POLR3G: variants seen among roughly 807,000 people sequenced by gnomAD.
POLR3G encodes DNA-directed RNA polymerase III subunit RPC7.
POLR3G carries 28 observed loss-of-function variants against 30.1 expected under a neutral mutation model. The ratio of observed to expected loss-of-function variants is 0.93; its 90% CI spans 0.69 to 1.27. The LOEUF is 1.27. POLR3G is among the 50% of genes most tolerant of loss of function. POLR3G has a pLI of 0.00. For missense variants in POLR3G, 254 were observed against 264.6 expected (o/e 0.96, Z 0.28); for synonymous variants, 79 against 82.5 (o/e 0.96, Z 0.23).
chr5:90,475,991 G>T (rs559595051), intron 1 of POLR3G, among the ~76,000 whole-genome samples: 23 of 152,266 alleles, frequency 1.5e-4, no homozygotes, highest in African/African-American at 5.5e-4. Flanking sequence ...GATTACAGGC[G>T]TGAGCCACTA....
intron 1 of POLR3G, among the ~76,000 whole-genome samples, chr5:90,479,713 G>A (rs890067048): frequency 6.6e-6 from 1 of 152,082 alleles, no homozygotes; most frequent in Non-Finnish European, 1.5e-5. Context: ...TTGGTGAAAA[G>A]GGATGTAGCA....
intron 4 of POLR3G, among the ~76,000 whole-genome samples, chr5:90,496,011 G>A (rs189509584): frequency 0.014 from 2,095 of 151,506 alleles, 21 homozygotes; most frequent in Admixed American, 0.02. Context: ...TTGCTCTGTC[G>A]CCCAGGCTGG....
At chr5:90,506,748 T>C in intron 7 of POLR3G, 74 bp downstream of exon 7, 3 of 1,425,390 alleles carry the variant, frequency 2.1e-6, no homozygotes, top group Non-Finnish European at 2.8e-6. Flanking sequence ...AGAGTATGTA[T>C]TGAAATCAAT....
At chr5:90,486,636 C>G (rs1393946573) in intron 2 of POLR3G, among the ~76,000 whole-genome samples, 1 of 152,150 alleles carries the variant, frequency 6.6e-6, no homozygotes, top group African/African-American at 2.4e-5. Context: ...CTGATTTTAT[C>G]CCAATCTCTA....
chr5:90,488,201 T>G (rs1751546201), intron 3 of POLR3G, 72 bp downstream of exon 3: 23 of 1,223,764 alleles, frequency 1.9e-5, no homozygotes, highest in Non-Finnish European at 2.4e-5. Context: ...ACAAGATATA[T>G]AATCATTTAA....
upstream of POLR3G, chr5:90,474,173 C>A: frequency 6.2e-7 from 1 of 1,604,302 alleles, no homozygotes; most frequent in South Asian, 1.1e-5. Flanking sequence ...TCACCACGTC[C>A]TGCTCGGAGC....
chr5:90,479,259 G>C (rs545340254), intron 1 of POLR3G, among the ~76,000 whole-genome samples: 16 of 152,186 alleles, frequency 1.1e-4, no homozygotes, highest in Non-Finnish European at 1.6e-4. Context: ...ATCACCTAAG[G>C]TCAGAAGTTC....
intron 1 of POLR3G, among the ~76,000 whole-genome samples, chr5:90,478,180 T>C (rs1750933414): frequency 6.7e-6 from 1 of 148,474 alleles, no homozygotes; most frequent in Admixed American, 6.7e-5. Context: ...GACGTTGTTT[T>C]GGTAGTTGAT....
At chr5:90,486,998 T>G (rs1401880826) in intron 2 of POLR3G, among the ~76,000 whole-genome samples, 1 of 152,196 alleles carries the variant, frequency 6.6e-6, no homozygotes, top group African/African-American at 2.4e-5. Context: ...ATGTCTTTAC[T>G]AGGTACCCTG....
rs1189554544 is a variant in POLR3G at position 90,514,317 on chromosome 5, T to C, written c.*2178T>C. The stretch of plus-strand genomic sequence containing the variant: ...GTATTTGTTGAAGTGTCTTTAAAAT[T>C]GCTATCATGAGCAAAACTGGTTGCT... On this transcript the variant is annotated 3_prime_UTR_variant, in exon 8 of 8. Coordinates refer to ENST00000651687, the MANE Select transcript of POLR3G (RefSeq NM_006467.3). The C allele has an allele frequency of 6.6e-6, 1 of 152,224 alleles. No homozygotes were observed. Among genetic ancestry groups the C allele is most frequent in the African/African-American group, 2.4e-5 (1 of 41,450 alleles). 9.4% of individuals were successfully genotyped at this position (152,224 alleles called of 1,614,324 possible).
At chr5:90,506,441 T>C in intron 6 of POLR3G, 87 bp from the exon 7 acceptor site, 1 of 1,477,238 alleles carries the variant, frequency 6.8e-7, no homozygotes, top group Admixed American at 2.2e-5. Context: ...TAGAATAAGG[T>C]GATAGATAAC....
upstream of POLR3G, chr5:90,474,443 C>A: frequency 1.4e-6 from 1 of 701,910 alleles, no homozygotes; most frequent in Non-Finnish European, 2.4e-6. Context: ...ATGCGGGGGT[C>A]GGAATAGGAG....
Position 90,478,569 on chromosome 5 carries a change from C to CTTTTTTTTTT in POLR3G, c.-44+3557_-44+3566dup, listed in dbSNP as rs773881344. 3.4e-4 allele frequency among the ~76,000 whole-genome samples: 27 copies of CTTTTTTTTTT among 79,328 alleles called. 6 individuals carry two copies. Among genetic ancestry groups the CTTTTTTTTTT allele is most frequent in the Admixed American group, 7.0e-4 (4 of 5,686 alleles). 52.0% of individuals were successfully genotyped at this position (79,328 alleles called of 152,430 possible). On this transcript the variant is annotated intron_variant, in intron 1 of 7. Coordinates refer to ENST00000651687, the MANE Select transcript of POLR3G (RefSeq NM_006467.3). ...AATGGGAGGTTTAATCTGCGTGGTT[C>CTTTTTTTTTT]TTTTTTTTTTTTTTTTTGAGAGGGA... is the stretch of plus-strand genomic sequence containing the variant.
chr5:90,483,596 G>A (rs1284324432), intron 1 of POLR3G, among the ~76,000 whole-genome samples: 2 of 152,040 alleles, frequency 1.3e-5, no homozygotes, highest in African/African-American at 4.8e-5. Context: ...CTTGAGGTCA[G>A]GAGTTTGAGA....
intron 1 of POLR3G, among the ~76,000 whole-genome samples, chr5:90,477,629 A>G (rs1272211360): frequency 6.6e-6 from 1 of 152,188 alleles, no homozygotes; most frequent in East Asian, 1.9e-4. Flanking sequence ...CTTGACTTTC[A>G]CTGCCTCCTC....
intron 5 of POLR3G, among the ~76,000 whole-genome samples, chr5:90,498,220 T>G (rs1465196958): frequency 1.3e-5 from 2 of 152,158 alleles, no homozygotes; most frequent in Non-Finnish European, 1.5e-5. Context: ...TTGTTGTTTG[T>G]CTTTTGGGTG....
intron 6 of POLR3G, among the ~76,000 whole-genome samples, chr5:90,503,418 C>T (rs556762918): frequency 7.2e-5 from 11 of 152,260 alleles, no homozygotes; most frequent in East Asian, 3.9e-4. Flanking sequence ...TTAACTATGG[C>T]GGAATGATGG....
At chr5:90,508,140 T>G (rs192797573) in intron 7 of POLR3G, among the ~76,000 whole-genome samples, 1 of 152,178 alleles carries the variant, frequency 6.6e-6, no homozygotes, top group Admixed American at 6.5e-5. Flanking sequence ...GTTTTCTGTT[T>G]TTAAGTCAGC....
chr5:90,476,496 A>ATT (rs890944624), intron 1 of POLR3G, among the ~76,000 whole-genome samples: 14 of 152,238 alleles, frequency 9.2e-5, no homozygotes, highest in African/African-American at 2.9e-4. Context: ...TGGCCTTAAA[A>ATT]GACTACTTTT....
Sources: allele counts gnomAD v4.1 joint callset (sites outside exome capture counted in the v4.1 genomes callset), GRCh38; gene constraint gnomAD v4.1.1; transcripts MANE v1.5; gene names NCBI Gene and HGNC (gene_info 2026-07-23, HGNC 2026-07-21).